PPP2R1A: variants seen among roughly 807,000 people sequenced by gnomAD.
PPP2R1A encodes serine/threonine-protein phosphatase 2A 65 kDa regulatory subunit A alpha isoform.
In PPP2R1A, 15 loss-of-function variants were observed where a neutral mutation model predicts 67.1. That is an observed-to-expected ratio of 0.22 (90% confidence interval 0.15 to 0.34). The LOEUF is 0.34. PPP2R1A is among the 10% of genes least tolerant of loss of function. PPP2R1A has a pLI of 1.00. For synonymous variants in PPP2R1A, 337 were observed against 325.0 expected, an observed-to-expected ratio of 1.04 and a Z score of -0.40; for missense variants, 369 against 775.0, an observed-to-expected ratio of 0.48 and a Z score of 6.22.
Position 52,213,163 on chromosome 19 carries a change from A to G in PPP2R1A, c.807+53A>G, listed in dbSNP as rs914747267. 6.7e-7 allele frequency: 1 copy of G among 1,500,166 alleles called. No individual in the cohort carries two copies. Among genetic ancestry groups the G allele is most frequent in the South Asian group, 1.3e-5 (1 of 74,572 alleles). 92.9% of individuals were successfully genotyped at this position (1,500,166 alleles called of 1,614,324 possible). On this transcript the variant is annotated intron_variant, in intron 6 of 14. Transcript: ENST00000322088. The surrounding 1 kb of genome is among the most constrained non-coding windows in gnomAD (Gnocchi z 4.2). Reference sequence around the variant, plus strand: ...CACTGGTGGGGACACTGACACTCTCAGAAGGGAAGCATATAGGAGCTGAGG... The same window carrying G: ...CACTGGTGGGGACACTGACACTCTCGGAAGGGAAGCATATAGGAGCTGAGG...
At chr19:52,214,981 C>A (rs1978477121) in intron 6 of PPP2R1A, among the ~76,000 whole-genome samples, 1 of 152,208 alleles carries the variant, frequency 6.6e-6, no homozygotes, top group South Asian at 2.1e-4. Context: ...CCACCTCTGT[C>A]TCCCAAAGCG....
intron 1 of PPP2R1A, among the ~76,000 whole-genome samples, chr19:52,199,044 A>G (rs1489298939): frequency 6.6e-6 from 1 of 152,200 alleles, no homozygotes; most frequent in Non-Finnish European, 1.5e-5. Flanking sequence ...GCCCTAGCCC[A>G]TGTGTATATT....
intron 6 of PPP2R1A, 29 bp from the exon 7 acceptor site, chr19:52,215,748 TCA>T (rs778558612): frequency 6.3e-7 from 1 of 1,592,464 alleles, no homozygotes; most frequent in South Asian, 1.1e-5. Context: ...CCAGCCCCTC[TCA>T]CTCTCCCCCT....
chr19:52,225,647 C>T, intron 13 of PPP2R1A, 70 bp from the exon 14 acceptor site: 1 of 1,421,306 alleles, frequency 7.0e-7, no homozygotes, highest in Non-Finnish European at 9.9e-7. Context: ...GCCCAAGAGC[C>T]CTGTGCCCAC....
chr19:52,208,040 G>A (rs2089622967), intron 3 of PPP2R1A, among the ~76,000 whole-genome samples: 1 of 152,136 alleles, frequency 6.6e-6, no homozygotes, highest in Non-Finnish European at 1.5e-5. Flanking sequence ...CAAACATTGA[G>A]CAAGGTCTCT....
chr19:52,212,719 C>T lies in PPP2R1A; in HGVS notation c.537C>T (p.Pro179=), dbSNP rs201816987. 3.7e-6 allele frequency: 6 copies of T among 1,614,102 alleles called. No individual in the cohort carries two copies. Among genetic ancestry groups the T allele is most frequent in the South Asian group, 1.1e-5 (1 of 91,086 alleles). Reference sequence around the variant, plus strand: ...GGAACCTGTGCTCAGATGACACCCCCATGGTGCGGCGGGCCGCAGCCTCCA... The same window carrying T: ...GGAACCTGTGCTCAGATGACACCCCTATGGTGCGGCGGGCCGCAGCCTCCA... ...YFRNLCSDDT[P]MVRRAAASKL... The change falls in exon 5 of 15, where the codon CCC becomes CCT. Residue 179 remains proline, a synonymous_variant. Transcript: ENST00000322088. This position sits in a 1 kb window ranked among gnomAD's most constrained non-coding sequence, Gnocchi z 4.1.
chr19:52,209,060 G>C (rs1464662174), intron 3 of PPP2R1A, among the ~76,000 whole-genome samples: 3 of 152,148 alleles, frequency 2.0e-5, no homozygotes, highest in Non-Finnish European at 4.4e-5. Context: ...GATTGTTTTG[G>C]TCCATGCTGG....
Position 52,211,354 on chromosome 19 carries a change from C to G in PPP2R1A, c.365C>G (p.Ser122Cys). The G allele has an allele frequency of 6.2e-7, 1 of 1,614,190 alleles. No individual in the cohort carries two copies. Residue 122 changes from serine to cysteine, a missense_variant, in exon 4 of 15, where the codon TCT becomes TGT. This residue lies in a region of PPP2R1A where 93 missense variants were observed against 266.5 expected (regional missense o/e 0.35). Transcript: ENST00000322088. The surrounding 1 kb of genome is among the most constrained non-coding windows in gnomAD (Gnocchi z 5.3). Reference sequence around the variant, plus strand: ...GCCATCTCACACGAGCACTCGCCCTCTGACCTGGAGGCGCACTTTGTGCCG... The same window carrying G: ...GCCATCTCACACGAGCACTCGCCCTGTGACCTGGAGGCGCACTTTGTGCCG... ...LRAISHEHSP[S>C]DLEAHFVPLV...
intron 1 of PPP2R1A, among the ~76,000 whole-genome samples, chr19:52,195,910 T>G (rs1600157401): frequency 6.6e-6 from 1 of 152,144 alleles, no homozygotes; most frequent in African/African-American, 2.4e-5. Context: ...GTGATCACCT[T>G]GACCTTCAGC....
At position 52,196,618 on chromosome 19, in the gene PPP2R1A, T is replaced by C. The variant is rs538010584; in HGVS notation, c.79-5326T>C. Among the ~76,000 whole-genome samples, 3 of 152,320 alleles carry C rather than the reference T, an allele frequency of 2.0e-5. No homozygotes were observed. In the South Asian group the frequency reaches 6.2e-4, roughly 32 times the overall value. Reference sequence around the variant, plus strand: ...GGTCATATGCAGAGTTAGTTGAAGTTAAGTTTGGCTGTAAGTAGTAGAAAA... The same window carrying C: ...GGTCATATGCAGAGTTAGTTGAAGTCAAGTTTGGCTGTAAGTAGTAGAAAA... On this transcript the variant is annotated intron_variant, in intron 1 of 14. Transcript: ENST00000322088.
At chr19:52,222,709 C>G (rs1345242214) in intron 13 of PPP2R1A, among the ~76,000 whole-genome samples, 1 of 152,194 alleles carries the variant, frequency 6.6e-6, no homozygotes, top group Non-Finnish European at 1.5e-5. Context: ...AACCCCGTCT[C>G]TAGTAAAAAT....
Position 52,215,998 on chromosome 19 carries a change from C to G in PPP2R1A, c.923-6C>G, listed in dbSNP as rs1474353182. 2.5e-6 allele frequency: 4 copies of G among 1,613,748 alleles called. No individual in the cohort carries two copies. Among genetic ancestry groups the G allele is most frequent in the African/African-American group, 2.7e-5 (2 of 75,028 alleles). On this transcript the variant is annotated splice_region_variant and splice_polypyrimidine_tract_variant and intron_variant, in intron 7 of 14. Transcript: ENST00000322088. ...CTTCCCTTTGCCTCCCTCTCCCTGC[C>G]CACAGAGTTCTGTGAAAACCTCTCA...
Position 52,219,589 on chromosome 19 carries a change from C to T in PPP2R1A, c.1129-102C>T, listed in dbSNP as rs1344604858. 9 of 1,257,078 alleles carry T rather than the reference C, an allele frequency of 7.2e-6. No homozygotes were observed. Among genetic ancestry groups the T allele is most frequent in the Admixed American group, 2.2e-5 (1 of 44,512 alleles). 77.9% of individuals were successfully genotyped at this position (1,257,078 alleles called of 1,614,324 possible). On this transcript the variant is annotated intron_variant, in intron 9 of 14. Transcript: ENST00000322088. This position sits in a 1 kb window ranked among gnomAD's most constrained non-coding sequence, Gnocchi z 4.0. ...CTGGGCTTGGACAGGAGTAGTCCCT[C>T]GGGAGATGTCCATAAAAGTTGATGC...
At chr19:52,217,714 G>A (rs982355957) in intron 9 of PPP2R1A, among the ~76,000 whole-genome samples, 1 of 152,090 alleles carries the variant, frequency 6.6e-6, no homozygotes, top group African/African-American at 2.4e-5. Context: ...AGTCTAGGAC[G>A]AGATTCCTCA....
chr19:52,216,033 C>T lies in PPP2R1A; in HGVS notation c.952C>T (p.Arg318Trp), dbSNP rs775654171. 3.1e-6 allele frequency: 5 copies of T among 1,613,914 alleles called. No homozygotes were observed. The highest frequency in any genetic ancestry group is 1.3e-5 in the African/African-American group (1 of 74,886). The change falls in exon 8 of 15, where the codon CGG (arginine) becomes TGG (tryptophan). Residue 318 changes from arginine (R) to tryptophan (W), a missense_variant. By Grantham distance (101) the Arg-to-Trp change is moderately radical. This residue lies in a region of PPP2R1A where 276 missense variants were observed against 508.4 expected (regional missense o/e 0.54). Coordinates refer to ENST00000322088, the MANE Select transcript of PPP2R1A (RefSeq NM_014225.6). The surrounding 1 kb of genome is among the most constrained non-coding windows in gnomAD (Gnocchi z 4.3). ...EFCENLSADC[R>W]ENVIMSQILP... ...CTGTGAAAACCTCTCAGCTGACTGT[C>T]GGGAGAATGTGATCATGTCCCAGAT...
intron 9 of PPP2R1A, among the ~76,000 whole-genome samples, chr19:52,218,701 C>T (rs997269774): frequency 3.9e-5 from 6 of 152,192 alleles, no homozygotes; most frequent in African/African-American, 1.2e-4. Context: ...TGTCATTTCA[C>T]ACCTCTCCAG....
intron 1 of PPP2R1A, among the ~76,000 whole-genome samples, chr19:52,196,032 G>T (rs2089493823): frequency 6.6e-6 from 1 of 152,120 alleles, no homozygotes; most frequent in South Asian, 2.1e-4. Flanking sequence ...CCATCCTGAA[G>T]GTATCAGTCA....
At chr19:52,218,182 G>A (rs1170278784) in intron 9 of PPP2R1A, among the ~76,000 whole-genome samples, 1 of 152,166 alleles carries the variant, frequency 6.6e-6, no homozygotes, top group Non-Finnish European at 1.5e-5. Flanking sequence ...CAAAAGATGG[G>A]AAGTGTGTGA....
intron 3 of PPP2R1A, among the ~76,000 whole-genome samples, chr19:52,206,314 T>C (rs1054158728): frequency 6.6e-6 from 1 of 152,226 alleles, no homozygotes; most frequent in Non-Finnish European, 1.5e-5. Flanking sequence ...GGATTCTACA[T>C]AGGGCTGTGG....
Sources: allele counts gnomAD v4.1 joint callset (sites outside exome capture counted in the v4.1 genomes callset), GRCh38; gene constraint gnomAD v4.1.1; regional missense constraint gnomAD v4.1.1; non-coding constraint Gnocchi (gnomAD v3.1); transcripts MANE v1.5; gene names NCBI Gene and HGNC (gene_info 2026-07-23, HGNC 2026-07-21).